Variants in SMAP2 observed in about 807,000 individuals in gnomAD.
SMAP2 encodes small ArfGAP2.
Under a neutral mutation model 56.4 loss-of-function variants are expected in SMAP2, and 25 were observed. The ratio of observed to expected loss-of-function variants is 0.44; its 90% CI spans 0.32 to 0.62. The LOEUF is 0.62. SMAP2 is among the 20% of genes least tolerant of loss of function. The pLI, the probability that SMAP2 is intolerant of heterozygous loss-of-function variation, is 0.04. For synonymous variants in SMAP2, 157 were observed against 181.7 expected (o/e 0.86, Z 1.09); for missense variants, 388 against 545.6 (o/e 0.71, Z 2.88).
rs35913943 is a variant in SMAP2, at chr1:40,393,541, C to CTT, written c.104-13174_104-13173dup. 1.8e-3 allele frequency: 1,453 copies of CTT among 809,980 alleles called. 2 individuals are homozygous for CTT. Among genetic ancestry groups the CTT allele is most frequent in the South Asian group, 5.4e-3 (300 of 55,934 alleles). 50.2% of individuals were successfully genotyped at this position (809,980 alleles called of 1,614,324 possible). A position where few individuals can be genotyped will look rare whatever the true frequency, so the allele number is the denominator to read the frequency against. ...AACAAAGTGTAAGTAGTTCTTCTAA[C>CTT]TTTTTTTTTTTTTTTTTTTTTTGTG... is the stretch of plus-strand genomic sequence containing the variant. On this transcript the variant is annotated intron_variant, in intron 1 of 9. Transcript: ENST00000372718.
intron 2 of SMAP2, among the ~76,000 whole-genome samples, chr1:40,365,461 A>G (rs1644477647): frequency 6.6e-6 from 1 of 152,242 alleles, no homozygotes; most frequent in Non-Finnish European, 1.5e-5. Flanking sequence ...TCCATTAGAT[A>G]CAGTGCAACC....
At chr1:40,414,096 G>C in intron 5 of SMAP2, 63 bp from the exon 6 acceptor site, 2 of 1,458,822 alleles carry the variant, frequency 1.4e-6, no homozygotes, top group Non-Finnish European at 1.9e-6. Context: ...GCTTTACAGT[G>C]GAGATGGGAA....
At chr1:40,378,239 T>G (rs1262968151) in intron 1 of SMAP2, among the ~76,000 whole-genome samples, 2 of 152,200 alleles carry the variant, frequency 1.3e-5, no homozygotes, top group Admixed American at 1.3e-4. Context: ...GTCCTCCCAC[T>G]TAGCCTCCCA....
Position 40,419,303 on chromosome 1 carries a change from C to CA in SMAP2, c.1164+2210dup, listed in dbSNP as rs1485986132. Among the ~76,000 whole-genome samples, 14 of 128,698 alleles carry CA rather than the reference C, an allele frequency of 1.1e-4. 1 individual carries two copies. The highest frequency in any genetic ancestry group is 6.9e-4 in the East Asian group (3 of 4,340). The allele number at this position is 128,698 out of a possible 152,430, so 84.4% of individuals were successfully genotyped here. A position where few individuals can be genotyped will look rare whatever the true frequency, so the allele number is the denominator to read the frequency against. On this transcript the variant is annotated intron_variant, in intron 9 of 9. Coordinates refer to ENST00000372718, the MANE Select transcript of SMAP2 (RefSeq NM_022733.3). ...TTCTTTTTTTTTTTTTTTTTTGAGA[C>CA]AAAGTCTCACTCTGTCACCCAGGCT...
chr1:40,422,023 G>A lies in SMAP2; in HGVS notation c.1212G>A (p.Met404Ile). 1 of 1,614,176 alleles carries A rather than the reference G, an allele frequency of 6.2e-7. No individual in the cohort carries two copies. The highest frequency in any genetic ancestry group is 8.5e-7 in the Non-Finnish European group (1 of 1,180,026). ...AGMNFYGANG[M>I]MNYGQSMSGG... The stretch of plus-strand genomic sequence containing the variant: ...TGAACTTCTATGGAGCCAATGGCAT[G>A]ATGAACTATGGACAGTCAATGAGTG... Residue 404 changes from methionine (M) to isoleucine (I), a missense_variant, in exon 10 of 10, where the codon ATG (methionine) becomes ATA (isoleucine). Met to Ile is a conservative substitution (Grantham distance 10). Coordinates refer to ENST00000372718, the MANE Select transcript of SMAP2 (RefSeq NM_022733.3).
chr1:40,388,851 A>C (rs1376570062), intron 1 of SMAP2, among the ~76,000 whole-genome samples: 1 of 151,918 alleles, frequency 6.6e-6, no homozygotes, highest in Non-Finnish European at 1.5e-5. Flanking sequence ...GAGCTGCAAC[A>C]CTCACCGCGA....
Position 40,406,765 on chromosome 1 carries a change from G to A in SMAP2, c.133G>A (p.Val45Met), listed in dbSNP as rs1644889796. ...GCGATGGGCCTCTTGGAACATTGGTGTGTTCATCTGCATTCGATGTGCTGG... is the reference window on the plus strand; with the variant it reads ...GCGATGGGCCTCTTGGAACATTGGTATGTTCATCTGCATTCGATGTGCTGG... ...GPRWASWNIG[V>M]FICIRCAGIH... The change falls in exon 2 of 10, where the codon GTG (valine) becomes ATG (methionine). Residue 45 changes from valine to methionine, a missense_variant. By Grantham distance (21) the Val-to-Met change is conservative. Coordinates refer to ENST00000372718, the MANE Select transcript of SMAP2 (RefSeq NM_022733.3). The A allele has an allele frequency of 6.2e-7, 1 of 1,613,816 alleles. No individual in the cohort carries two copies. Among genetic ancestry groups the A allele is most frequent in the African/African-American group, 1.3e-5 (1 of 74,908 alleles).
At chr1:40,377,624 G>C (rs1644553094) in intron 1 of SMAP2, among the ~76,000 whole-genome samples, 1 of 152,176 alleles carries the variant, frequency 6.6e-6, no homozygotes, top group African/African-American at 2.4e-5. Context: ...GAAAATTCCA[G>C]ATATGTCAAT....
chr1:40,355,132 C>T (rs543592850), intron 1 of SMAP2, among the ~76,000 whole-genome samples: 1 of 151,982 alleles, frequency 6.6e-6, no homozygotes, highest in East Asian at 1.9e-4. Flanking sequence ...TATGCTGATA[C>T]TGATAAAGAA....
At chr1:40,383,769 G>A (rs1190467336) in intron 1 of SMAP2, among the ~76,000 whole-genome samples, 1 of 152,222 alleles carries the variant, frequency 6.6e-6, no homozygotes, top group Non-Finnish European at 1.5e-5. Context: ...ATTCTGGGAA[G>A]TCTTAGGTAT....
chr1:40,396,904 G>T, intron 1 of SMAP2: 1 of 965,462 alleles, frequency 1.0e-6, no homozygotes, highest in Non-Finnish European at 1.2e-6. Context: ...ACTGGCACTA[G>T]ATTTGTTCTT....
At chr1:40,358,269 G>A (rs1358991019) in intron 1 of SMAP2, among the ~76,000 whole-genome samples, 1 of 152,124 alleles carries the variant, frequency 6.6e-6, no homozygotes, top group African/African-American at 2.4e-5. Flanking sequence ...TTGGCCGGGT[G>A]CAGTGGCTCA....
chr1:40,409,418 G>A (rs1034233755), intron 3 of SMAP2, among the ~76,000 whole-genome samples: 1 of 152,194 alleles, frequency 6.6e-6, no homozygotes, highest in Non-Finnish European at 1.5e-5. Context: ...TTTGTTTGAG[G>A]CCTATTGACC....
chr1:40,392,337 G>A (rs1008230042), intron 1 of SMAP2, among the ~76,000 whole-genome samples: 1 of 151,878 alleles, frequency 6.6e-6, no homozygotes, highest in African/African-American at 2.4e-5. Context: ...CCAAAGCCAT[G>A]ATTCAGACAC....
In SMAP2 at chr1:40,385,488, T is replaced by C. The variant is rs984193998; in HGVS notation, c.103+11265T>C. The stretch of plus-strand genomic sequence containing the variant: ...TTAATCTGAAACAATGAGAACTGGG[T>C]TCCTCAGGCCTCATGTCATTTCCCC... On this transcript the variant is annotated intron_variant, in intron 1 of 9. Transcript: ENST00000372718. This position sits in a 1 kb window ranked among gnomAD's most constrained non-coding sequence, Gnocchi z 4.5. 2.0e-5 allele frequency among the ~76,000 whole-genome samples: 3 copies of C among 152,172 alleles called. No individual in the cohort carries two copies. Among genetic ancestry groups the C allele is most frequent in the Admixed American group, 2.0e-4 (3 of 15,278 alleles).
chr1:40,398,166 C>T (rs1644791126), intron 1 of SMAP2, among the ~76,000 whole-genome samples: 1 of 152,120 alleles, frequency 6.6e-6, no homozygotes, highest in Non-Finnish European at 1.5e-5. Flanking sequence ...ATCCCATTAT[C>T]CCGATATAGT....
At chr1:40,362,952 T>A (rs1644465391) in intron 2 of SMAP2, among the ~76,000 whole-genome samples, 1 of 152,124 alleles carries the variant, frequency 6.6e-6, no homozygotes, top group Admixed American at 6.6e-5. Context: ...AATTTATAGC[T>A]TAGCTGATGT....
intron 1 of SMAP2, among the ~76,000 whole-genome samples, chr1:40,347,264 T>TG (rs1196177259): frequency 6.0e-5 from 9 of 150,198 alleles, no homozygotes; most frequent in Admixed American, 2.6e-4. Context: ...TTTTTTTTTT[T>TG]TTTTAAAGCA....
intron 2 of SMAP2, among the ~76,000 whole-genome samples, chr1:40,363,986 C>T (rs1321529270): frequency 6.6e-6 from 1 of 152,202 alleles, no homozygotes; most frequent in East Asian, 1.9e-4. Flanking sequence ...TAACACTGAG[C>T]TCATAGTAAA....
Sources: gnomAD v4.1 joint callset for allele counts (sites outside exome capture counted in the v4.1 genomes callset) on GRCh38, gnomAD v4.1.1 for gene constraint, Gnocchi (gnomAD v3.1) non-coding constraint, MANE v1.5 for transcripts, NCBI Gene and HGNC (gene_info 2026-07-23, HGNC 2026-07-21) for gene names.